ENOSF1: variants seen among roughly 807,000 people sequenced by gnomAD.
ENOSF1 encodes enolase superfamily member 1, also known as mitochondrial enolase superfamily member 1.
ENOSF1 carries 73 observed loss-of-function variants against 68.2 expected under a neutral mutation model. That is an observed-to-expected ratio of 1.07 (90% CI 0.89 to 1.30). ENOSF1 has a LOEUF of 1.30. Among genes scored for constraint, ENOSF1 ranks in the 50% most tolerant of loss-of-function variants. ENOSF1 has a pLI of 0.00. For missense variants in ENOSF1, 589 were observed against 554.5 expected, an observed-to-expected ratio of 1.06 and a Z score of -0.62; for synonymous variants, 223 against 210.4, an observed-to-expected ratio of 1.06 and a Z score of -0.52.
At chr18:677,481 G>C in intron 13 of ENOSF1, 37 bp from the exon 14 acceptor site, 1 of 1,574,976 alleles carries the variant, frequency 6.3e-7, no homozygotes, top group East Asian at 2.2e-5. Flanking sequence ...ACCAAGAGTA[G>C]GGCAGGGAGA....
downstream of ENOSF1, among the ~76,000 whole-genome samples, chr18:670,027 C>G (rs2074961165): frequency 6.8e-6 from 1 of 147,492 alleles, no homozygotes; most frequent in East Asian, 2.0e-4. Context: ...GAAATACTTG[C>G]ATCTGTAATA....
At chr18:709,702 C>T (rs1181555533) in intron 1 of ENOSF1, among the ~76,000 whole-genome samples, 3 of 151,798 alleles carry the variant, frequency 2.0e-5, no homozygotes, top group Non-Finnish European at 4.4e-5. Flanking sequence ...ATATGGGAGG[C>T]AGAGGTTGCA....
intron 10 of ENOSF1, 62 bp from the exon 11 acceptor site, chr18:683,442 G>A (rs898079909): frequency 2.5e-6 from 4 of 1,585,706 alleles, no homozygotes; most frequent in Non-Finnish European, 3.4e-6. Flanking sequence ...CAGGGCTGCG[G>A]CTCCCAGGGA....
intron 9 of ENOSF1, 45 bp from the exon 10 acceptor site, chr18:686,053 T>C (rs746261769): frequency 7.1e-7 from 1 of 1,413,552 alleles, no homozygotes; most frequent in South Asian, 1.1e-5. Flanking sequence ...GTACCTGGAC[T>C]TGGCAAGGGC....
chr18:698,313 C>G (rs1203881831), intron 2 of ENOSF1, among the ~76,000 whole-genome samples: 1 of 152,290 alleles, frequency 6.6e-6, no homozygotes, highest in Non-Finnish European at 1.5e-5. Flanking sequence ...CCAAACCACA[C>G]TAGTTCATGT....
At chr18:695,319 T>C (rs147185010) in intron 3 of ENOSF1, among the ~76,000 whole-genome samples, 139 of 152,338 alleles carry the variant, frequency 9.1e-4, no homozygotes, top group African/African-American at 3.1e-3. Context: ...ACATAAGTGA[T>C]TATGTCATTT....
At chr18:693,837 C>T in intron 5 of ENOSF1, 45 bp downstream of exon 5, 1 of 1,610,510 alleles carries the variant, frequency 6.2e-7, no homozygotes, top group South Asian at 1.1e-5. Context: ...CAATGATATC[C>T]ATTTCATTTA....
downstream of ENOSF1, chr18:669,015 C>T (rs114529891): frequency 4.5e-4 from 656 of 1,458,732 alleles, 1 homozygote; most frequent in African/African-American, 8.2e-3. Flanking sequence ...CTAAGGCCAT[C>T]TCATGACATG....
At chr18:686,151 A>C in intron 9 of ENOSF1, 143 bp from the exon 10 acceptor site, 1 of 651,716 alleles carries the variant, frequency 1.5e-6, no homozygotes. Flanking sequence ...TCATCTTCAG[A>C]TAAGTCACTT....
At chr18:677,298 T>C (rs1384082024) in intron 14 of ENOSF1, 47 bp downstream of exon 14, 10 of 1,498,210 alleles carry the variant, frequency 6.7e-6, no homozygotes, top group African/African-American at 5.5e-5. Context: ...CTGGCCTGGA[T>C]TGAGGGACCC....
intron 9 of ENOSF1, chr18:688,167 C>CA (rs113399783): frequency 0.24 from 35,415 of 145,652 alleles, 6,004 homozygotes; most frequent in African/African-American, 0.51. Flanking sequence ...AACTTCATCT[C>CA]AAAAAAAAAA....
At chr18:669,835 A>C (rs1427504894), downstream of ENOSF1, among the ~76,000 whole-genome samples, 1 of 151,230 alleles carries the variant, frequency 6.6e-6, no homozygotes, top group Admixed American at 6.6e-5. Flanking sequence ...GGTGGCTCAC[A>C]CCTGTAATTC....
rs1381105114 is a variant in ENOSF1, at chr18:677,830, C to A, written c.961G>T (p.Ala321Ser). Residue 321 changes from alanine to serine, a missense_variant, in exon 13 of 16, where the codon GCC becomes TCC. By Grantham distance (99) the Ala-to-Ser change is moderately conservative. Coordinates refer to ENST00000647584, the MANE Select transcript of ENOSF1 (RefSeq NM_017512.7). ...CTGTCAATCTGGAGGAACTGCAGGG[C>A]CTTCGCCTGTAGGAGTTGCTTAAAT... is the stretch of plus-strand genomic sequence containing the variant. ...VIFKQLLQAKALQFLQIDSCR... is the reference protein window; with the variant it reads ...VIFKQLLQAKSLQFLQIDSCR... The A allele has an allele frequency of 6.2e-7, 1 of 1,614,102 alleles. No individual in the cohort carries two copies. Among genetic ancestry groups the A allele is most frequent in the South Asian group, 1.1e-5 (1 of 91,068 alleles).
chr18:693,520 T>A, intron 5 of ENOSF1: 7 of 985,426 alleles, frequency 7.1e-6, no homozygotes, highest in Non-Finnish European at 8.4e-6. Flanking sequence ...TTTCAGAGTT[T>A]ATGAGGTGCT....
intron 3 of ENOSF1, among the ~76,000 whole-genome samples, chr18:696,484 T>G (rs541280053): frequency 1.3e-5 from 2 of 152,202 alleles, no homozygotes; most frequent in South Asian, 2.1e-4. Flanking sequence ...GTGCTGGGAT[T>G]ACAGGAGTGA....
At chr18:681,093 C>G (rs2076035493) in intron 11 of ENOSF1, among the ~76,000 whole-genome samples, 1 of 152,146 alleles carries the variant, frequency 6.6e-6, no homozygotes, top group South Asian at 2.1e-4. Flanking sequence ...AACTCCTGAC[C>G]TCAGGTGATC....
In ENOSF1 at chr18:699,665, G is replaced by A. The variant is rs200005470; in HGVS notation, c.194-2310C>T. Among the ~76,000 whole-genome samples the A allele has an allele frequency of 4.6e-5, 7 of 152,148 alleles. No homozygotes were observed. The East Asian group carries it at 5.8e-4, about 13-fold the overall frequency. On this transcript the variant is annotated intron_variant, in intron 2 of 15. Transcript: ENST00000647584. ...CAAAGAAAGGAATGTATTCCAAAAC[G>A]TTTTGATTAATTTGTTTGGTGCTGC...
At chr18:674,545 G>C (rs1278608446) in intron 15 of ENOSF1, 139 bp from the exon 16 acceptor site, 1 of 543,218 alleles carries the variant, frequency 1.8e-6, no homozygotes, top group Admixed American at 3.7e-5. Flanking sequence ...TTGACATGGA[G>C]TCACTGTCCG....
chr18:679,440 C>T (rs957464609), intron 11 of ENOSF1, among the ~76,000 whole-genome samples: 1 of 130,414 alleles, frequency 7.7e-6, no homozygotes, highest in African/African-American at 3.2e-5. Context: ...AACTCCTGAC[C>T]TCAGATGATC....
Sources: gnomAD v4.1 joint callset for allele counts (sites outside exome capture counted in the v4.1 genomes callset) on GRCh38, gnomAD v4.1.1 for gene constraint, MANE v1.5 for transcripts, NCBI Gene and HGNC (gene_info 2026-07-23, HGNC 2026-07-21) for gene names.